GOLIM4: variants seen among roughly 807,000 people sequenced by gnomAD.
GOLIM4 encodes the protein 130 kDa golgi-localized phosphoprotein.
Under a neutral mutation model 107.4 loss-of-function variants are expected in GOLIM4, and 71 were observed. The observed-to-expected ratio is 0.66, with a 90% CI of 0.55 to 0.81. The LOEUF (loss-of-function observed/expected upper bound fraction) is 0.81. Among genes scored for constraint, GOLIM4 ranks in the 30% least tolerant of loss-of-function variants. The probability of loss-of-function intolerance (pLI) is 0.00; values close to 1 mark genes in which losing one functional copy is unlikely to be tolerated. For missense variants in GOLIM4, 830 were observed against 826.1 expected (o/e 1.00, Z -0.06); for synonymous variants, 327 against 294.8 (o/e 1.11, Z -1.12).
intron 3 of GOLIM4, among the ~76,000 whole-genome samples, chr3:168,045,133 C>A (rs1719225833): frequency 6.6e-6 from 1 of 152,076 alleles, no homozygotes; most frequent in Non-Finnish European, 1.5e-5. Flanking sequence ...CTTGAAAGAG[C>A]CCTTAGAGAT....
At chr3:168,067,525 A>C (rs9810353) in intron 1 of GOLIM4, among the ~76,000 whole-genome samples, 12,600 of 150,388 alleles carry the variant, frequency 0.084, 1,684 homozygotes, top group African/African-American at 0.29. Context: ...AAAAAAAAAA[A>C]ACACACACAC....
At chr3:168,068,710 C>T (rs895064220) in intron 1 of GOLIM4, among the ~76,000 whole-genome samples, 1 of 151,896 alleles carries the variant, frequency 6.6e-6, no homozygotes, top group Non-Finnish European at 1.5e-5. Flanking sequence ...GTTGCATACC[C>T]ATTTGCCATT....
At chr3:168,077,297 T>C (rs1721124108) in intron 1 of GOLIM4, among the ~76,000 whole-genome samples, 1 of 152,154 alleles carries the variant, frequency 6.6e-6, no homozygotes, top group South Asian at 2.1e-4. Flanking sequence ...CCCATTAACG[T>C]TTGGCCAATG....
chr3:168,011,149 G>A (rs1448005848), intron 14 of GOLIM4, among the ~76,000 whole-genome samples: 1 of 150,440 alleles, frequency 6.6e-6, no homozygotes, highest in Non-Finnish European at 1.5e-5. Flanking sequence ...CTCTCACTAG[G>A]GAGTGCCAGA....
intron 1 of GOLIM4, among the ~76,000 whole-genome samples, chr3:168,071,736 T>C (rs1720839550): frequency 6.6e-6 from 1 of 151,798 alleles, no homozygotes; most frequent in African/African-American, 2.4e-5. Flanking sequence ...CTTGAGAAAG[T>C]ATGTGAGGGA....
In GOLIM4 at chr3:168,010,692, C is replaced by T. The variant is rs546205407; in HGVS notation, c.1941+51G>A. ...TACATATATCTCTCCTATACACATG[C>T]ACACCCACAAACACTCAAGTGCTCA... On this transcript the variant is annotated intron_variant, in intron 15 of 15. Coordinates refer to ENST00000470487, the MANE Select transcript of GOLIM4 (RefSeq NM_014498.5). The T allele has an allele frequency of 1.7e-5, 22 of 1,288,760 alleles. No homozygotes were observed. The East Asian group carries it at 4.6e-4, about 27-fold the overall frequency. 79.8% of individuals were successfully genotyped at this position (1,288,760 alleles called of 1,614,324 possible).
chr3:168,058,119 A>AT (rs996701377), intron 1 of GOLIM4, among the ~76,000 whole-genome samples: 1 of 152,146 alleles, frequency 6.6e-6, no homozygotes, highest in Non-Finnish European at 1.5e-5. Context: ...CAGATTAACT[A>AT]TTTTTTTACT....
At chr3:168,078,287 T>C (rs763638213) in intron 1 of GOLIM4, among the ~76,000 whole-genome samples, 30 of 152,188 alleles carry the variant, frequency 2.0e-4, no homozygotes, top group Non-Finnish European at 4.4e-4. Flanking sequence ...TTTTCTATCA[T>C]AATTTGTATG....
chr3:168,078,369 C>T (rs3915468), intron 1 of GOLIM4, among the ~76,000 whole-genome samples: 115,348 of 152,082 alleles, frequency 0.76, 45,692 homozygotes, highest in African/African-American at 0.94. Flanking sequence ...AAGATCACCA[C>T]TGCCCTTTTG....
chr3:168,037,325 TA>T (rs553538112), intron 7 of GOLIM4, among the ~76,000 whole-genome samples: 358 of 152,256 alleles, frequency 2.4e-3, no homozygotes, highest in Admixed American at 3.5e-3. Flanking sequence ...TTTATCATAT[TA>T]AAAAATCCAT....
chr3:168,071,285 C>T (rs1168853892), intron 1 of GOLIM4, among the ~76,000 whole-genome samples: 3 of 152,172 alleles, frequency 2.0e-5, no homozygotes, highest in Admixed American at 2.0e-4. Context: ...GGACACATAA[C>T]CTTTCTTAGC....
At chr3:168,075,346 G>A (rs1721025045) in intron 1 of GOLIM4, among the ~76,000 whole-genome samples, 1 of 137,238 alleles carries the variant, frequency 7.3e-6, no homozygotes, top group African/African-American at 2.8e-5. Flanking sequence ...GCCCAGGCTG[G>A]AGTGCAGTGG....
chr3:168,021,277 C>T (rs1037723146), intron 14 of GOLIM4, among the ~76,000 whole-genome samples: 1 of 152,074 alleles, frequency 6.6e-6, no homozygotes, highest in Non-Finnish European at 1.5e-5. Context: ...CAGTAGGATC[C>T]AAAGAGATAG....
intron 1 of GOLIM4, among the ~76,000 whole-genome samples, chr3:168,064,807 T>C (rs1450315488): frequency 6.6e-6 from 1 of 152,070 alleles, no homozygotes; most frequent in Non-Finnish European, 1.5e-5. Flanking sequence ...CATGACTGGA[T>C]GCTAAAGAAA....
chr3:168,032,370 T>G (rs2108230780), intron 9 of GOLIM4, 150 bp downstream of exon 9: 1 of 683,176 alleles, frequency 1.5e-6, no homozygotes, highest in Middle Eastern at 4.1e-4. Flanking sequence ...CTATTAACAT[T>G]ACAAGAGAAA....
At chr3:168,056,188 G>A (rs756891274) in intron 1 of GOLIM4, among the ~76,000 whole-genome samples, 2 of 152,236 alleles carry the variant, frequency 1.3e-5, no homozygotes, top group Non-Finnish European at 2.9e-5. Flanking sequence ...CCAACATAGA[G>A]CTTGGGCTAT....
In GOLIM4 at chr3:168,066,184, T is replaced by A. The variant is rs1339083530; in HGVS notation, c.188-17819A>T. On this transcript the variant is annotated intron_variant, in intron 1 of 15. Transcript: ENST00000470487. ...GGGCCGAAGGGCTTAAGATCTTTTT[T>A]TTTTTCTGCAAAGTATCTGAAAATG... 5.3e-5 allele frequency among the ~76,000 whole-genome samples: 8 copies of A among 152,124 alleles called. No individual in the cohort carries two copies. The East Asian group carries it at 1.5e-3, about 29-fold the overall frequency.
intron 8 of GOLIM4, among the ~76,000 whole-genome samples, chr3:168,034,965 C>T (rs1718563258): frequency 6.7e-6 from 1 of 150,348 alleles, no homozygotes; most frequent in Admixed American, 6.6e-5. Context: ...TTAAATCAAC[C>T]AGTCTAGGGT....
chr3:168,079,735 A>G (rs1226793650), intron 1 of GOLIM4, among the ~76,000 whole-genome samples: 1 of 152,214 alleles, frequency 6.6e-6, no homozygotes, highest in Non-Finnish European at 1.5e-5. Flanking sequence ...GGTATAAAAT[A>G]TAAGAACTCA....
Sources: allele counts gnomAD v4.1 joint callset (sites outside exome capture counted in the v4.1 genomes callset), GRCh38; gene constraint gnomAD v4.1.1; transcripts MANE v1.5; gene names NCBI Gene and HGNC (gene_info 2026-07-23, HGNC 2026-07-21).